PIH1D2: variants seen among roughly 807,000 people sequenced by gnomAD.
PIH1D2 encodes PIH1 domain containing 2.
A neutral mutation model predicts 31.2 loss-of-function variants in PIH1D2; 25 were observed. The ratio of observed to expected loss-of-function variants is 0.80; its 90% CI spans 0.58 to 1.12. The LOEUF (loss-of-function observed/expected upper bound fraction) is 1.12. Among genes scored for constraint, PIH1D2 ranks in the 50% most tolerant of loss-of-function variants. The pLI, the probability that PIH1D2 is intolerant of heterozygous loss-of-function variation, is 0.00. For synonymous variants in PIH1D2, 116 were observed against 119.9 expected (o/e 0.97, Z 0.21); for missense variants, 310 against 356.6 (o/e 0.87, Z 1.05).
At chr11:112,072,016 C>T (rs916239496) in intron 2 of PIH1D2, among the ~76,000 whole-genome samples, 2 of 151,578 alleles carry the variant, frequency 1.3e-5, no homozygotes, top group Non-Finnish European at 2.9e-5. Flanking sequence ...TCGCTTGAAC[C>T]CAGGAGGCGG....
At chr11:112,060,015 T>C (rs1371372137), downstream of PIH1D2, 16 of 1,614,028 alleles carry the variant, frequency 9.9e-6, no homozygotes, top group African/African-American at 2.7e-5. Context: ...TGATGTTGTT[T>C]CTTTAGCAAC....
downstream of PIH1D2, chr11:112,061,447 G>A: frequency 2.5e-6 from 1 of 393,150 alleles, no homozygotes; most frequent in East Asian, 5.1e-5. Context: ...AATTCAAGTT[G>A]TGCTTACTGG....
intron 2 of PIH1D2, 77 bp from the exon 3 acceptor site, chr11:112,071,835 G>A (rs1055214291): frequency 5.5e-5 from 84 of 1,521,134 alleles, no homozygotes; most frequent in African/African-American, 6.9e-5. Context: ...GCTCCCGCCT[G>A]TAATCCGAGC....
At chr11:112,060,939 T>A (rs1864569477), downstream of PIH1D2, 3 of 1,095,462 alleles carry the variant, frequency 2.7e-6, no homozygotes, top group Non-Finnish European at 4.0e-6. Context: ...TCTTAAGACC[T>A]TGCACCTTTT....
chr11:112,072,025 G>A (rs193288580), intron 2 of PIH1D2, among the ~76,000 whole-genome samples: 5 of 151,928 alleles, frequency 3.3e-5, no homozygotes, highest in African/African-American at 1.2e-4. Flanking sequence ...CCCAGGAGGC[G>A]GAGGTTGCAG....
downstream of PIH1D2, among the ~76,000 whole-genome samples, chr11:112,067,430 G>A (rs587641812): frequency 4.3e-3 from 648 of 151,310 alleles, 2 homozygotes; most frequent in African/African-American, 0.014. Context: ...TTGGGAGGCC[G>A]AGGCAGGTGG....
intron 4 of PIH1D2, 55 bp downstream of exon 4, chr11:112,070,983 G>T: frequency 6.4e-7 from 1 of 1,559,868 alleles, no homozygotes; most frequent in Non-Finnish European, 8.6e-7. Flanking sequence ...AATGTATACA[G>T]GATCCAAAAA....
At chr11:112,053,696 G>A in the PIH1D2 span, among the ~76,000 whole-genome samples, 3 of 151,984 alleles carry the variant, frequency 2.0e-5, no homozygotes, top group African/African-American at 7.2e-5. Flanking sequence ...CTTGTGAGCC[G>A]CCCACCTTGG....
Position 112,067,863 on chromosome 11 carries a change from C to T in PIH1D2, c.*8G>A, listed in dbSNP as rs782742395. ...CACTGAAAACCCAAAACATATGATG[C>T]TCTTCTTTCACACCAAAGGCATTGT... On this transcript the variant is annotated 3_prime_UTR_variant, in exon 6 of 6. Coordinates refer to ENST00000280350, the MANE Select transcript of PIH1D2 (RefSeq NM_138789.4). The T allele has an allele frequency of 8.1e-6, 13 of 1,611,214 alleles. No homozygotes were observed. Among genetic ancestry groups the T allele is most frequent in the Non-Finnish European group, 5.9e-6 (7 of 1,179,248 alleles).
At position 112,072,999 on chromosome 11, in the gene PIH1D2, A is replaced by G; in HGVS notation, c.176T>C (p.Leu59Pro). Reference protein sequence around the residue: ...EPQLCLQTRILKPKEKILFIN... With the variant: ...EPQLCLQTRIPKPKEKILFIN... Reference sequence around the variant, plus strand: ...ATCCCTGGCACCAACTCGACATACCAGAATCCTGGTCTGTAGACAAAGCTG... The same window carrying G: ...ATCCCTGGCACCAACTCGACATACCGGAATCCTGGTCTGTAGACAAAGCTG... Residue 59 changes from leucine to proline, a missense_variant and splice_region_variant, in exon 2 of 6, where the codon CTG (leucine) becomes CCG (proline). Transcript: ENST00000280350. 1.2e-6 allele frequency: 2 copies of G among 1,603,364 alleles called. No individual in the cohort carries two copies. The highest frequency in any genetic ancestry group is 1.7e-6 in the Non-Finnish European group (2 of 1,173,214).
downstream of PIH1D2, chr11:112,060,009 G>A (rs1864456588): frequency 6.2e-7 from 1 of 1,613,848 alleles, no homozygotes; most frequent in African/African-American, 1.3e-5. Context: ...TGCTAATGAT[G>A]TTGTTTCTTT....
chr11:112,052,922 A>T, the PIH1D2 span, among the ~76,000 whole-genome samples: 1 of 152,142 alleles, frequency 6.6e-6, no homozygotes, highest in South Asian at 2.1e-4. Context: ...CATTATAAAT[A>T]ACAAAACATA....
the PIH1D2 span, among the ~76,000 whole-genome samples, chr11:112,057,663 G>A: frequency 4.6e-5 from 7 of 152,314 alleles, no homozygotes; most frequent in Middle Eastern, 3.4e-3. Flanking sequence ...AGGAAGCCGC[G>A]TAACAGAAGT....
the PIH1D2 span, among the ~76,000 whole-genome samples, chr11:112,054,987 G>T: frequency 6.6e-6 from 1 of 152,050 alleles, no homozygotes; most frequent in African/African-American, 2.4e-5. Context: ...GATAATATAG[G>T]ATGATCTTAT....
intron 5 of PIH1D2, among the ~76,000 whole-genome samples, chr11:112,068,973 ATTTTTTTTGT>A (rs1566653081): frequency 2.2e-5 from 3 of 134,396 alleles, no homozygotes; most frequent in African/African-American, 9.1e-5. Flanking sequence ...AAACCTCTGA[ATTTTTTTTGT>A]TTTTTTTTTT....
the PIH1D2 span, among the ~76,000 whole-genome samples, chr11:112,054,244 A>G: frequency 6.6e-6 from 1 of 152,078 alleles, no homozygotes; most frequent in African/African-American, 2.4e-5. Flanking sequence ...TGAACCTGGG[A>G]GGCGGAGGTT....
At chr11:112,067,688 ATAT>A (rs1864977855), downstream of PIH1D2, 7 of 95,062 alleles carry the variant, frequency 7.4e-5, no homozygotes, top group African/African-American at 1.3e-4. Flanking sequence ...AAAAAAAAAT[ATAT>A]ATATATATAT....
At chr11:112,062,742 C>T, downstream of PIH1D2, 2 of 570,652 alleles carry the variant, frequency 3.5e-6, no homozygotes, top group South Asian at 4.0e-5. Context: ...TAATCAGACA[C>T]CAGATTTTTA....
At chr11:112,061,528 A>G (rs1340076033), downstream of PIH1D2, 15 of 275,816 alleles carry the variant, frequency 5.4e-5, no homozygotes, top group African/African-American at 3.3e-4. Context: ...TTCGGAACCC[A>G]TGGATATATG....
Sources: allele counts gnomAD v4.1 joint callset (sites outside exome capture counted in the v4.1 genomes callset), GRCh38; gene constraint gnomAD v4.1.1; transcripts MANE v1.5; gene names NCBI Gene and HGNC (gene_info 2026-07-23, HGNC 2026-07-21).